Variants in PTP4A1 observed in about 807,000 individuals in gnomAD.
PTP4A1 encodes the protein protein tyrosine phosphatase 4A1.
Under a neutral mutation model 20.5 loss-of-function variants are expected in PTP4A1, and 9 were observed. The observed-to-expected ratio is 0.44, with a 90% confidence interval of 0.26 to 0.77. PTP4A1 has a LOEUF of 0.77. PTP4A1 is among the 30% of genes least tolerant of loss of function. The pLI is 0.19. For synonymous variants in PTP4A1, 78 were observed against 67.4 expected (o/e 1.16, Z -0.77); for missense variants, 137 against 218.8 (o/e 0.63, Z 2.36).
intron 2 of PTP4A1, among the ~76,000 whole-genome samples, chr6:63,544,628 T>C (rs1004843675): frequency 6.6e-6 from 1 of 152,172 alleles, no homozygotes; most frequent in Non-Finnish European, 1.5e-5. Flanking sequence ...GTGGATCAGT[T>C]ATTATTTATC....
chr6:63,571,323 C>G (rs1777416943), upstream of PTP4A1: 1 of 152,110 alleles, frequency 6.6e-6, no homozygotes, highest in Admixed American at 6.5e-5. Context: ...ATCTCATACT[C>G]GGTGAAAATA....
intron 2 of PTP4A1, among the ~76,000 whole-genome samples, chr6:63,538,892 T>C (rs1369074719): frequency 6.6e-6 from 1 of 152,098 alleles, no homozygotes; most frequent in Non-Finnish European, 1.5e-5. Flanking sequence ...TATTTATTTA[T>C]TTATTTATTT....
At chr6:63,517,335 G>T (rs1774764335), upstream of PTP4A1, among the ~76,000 whole-genome samples, 1 of 152,078 alleles carries the variant, frequency 6.6e-6, no homozygotes, top group Non-Finnish European at 1.5e-5. Context: ...AAGAAAAGAG[G>T]TCAAACAGAC....
intron 2 of PTP4A1, among the ~76,000 whole-genome samples, chr6:63,542,035 G>C (rs1039660905): frequency 6.6e-6 from 1 of 151,052 alleles, no homozygotes; most frequent in East Asian, 1.9e-4. Context: ...GTGTGTGTGT[G>C]TGTGTGTGTG....
upstream of PTP4A1, among the ~76,000 whole-genome samples, chr6:63,568,096 A>G (rs1777266811): frequency 6.6e-6 from 1 of 152,224 alleles, no homozygotes; most frequent in African/African-American, 2.4e-5. Flanking sequence ...CTCCTTATCA[A>G]CAATGAGGCT....
intron 2 of PTP4A1, among the ~76,000 whole-genome samples, chr6:63,544,688 A>G (rs1425206027): frequency 6.6e-6 from 1 of 152,116 alleles, no homozygotes; most frequent in African/African-American, 2.4e-5. Context: ...TTATACCAAG[A>G]ATGTTTCTCA....
At chr6:63,555,994 A>G (rs897276138) in intron 3 of PTP4A1, among the ~76,000 whole-genome samples, 6 of 151,864 alleles carry the variant, frequency 4.0e-5, no homozygotes, top group Non-Finnish European at 5.9e-5. Flanking sequence ...CCTGGCCTCA[A>G]TTAAACTTTA....
At chr6:63,530,496 C>T (rs1210279723) in intron 2 of PTP4A1, among the ~76,000 whole-genome samples, 1 of 152,146 alleles carries the variant, frequency 6.6e-6, no homozygotes, top group Non-Finnish European at 1.5e-5. Flanking sequence ...CTGCCTCATA[C>T]AGTCACACAG....
intron 3 of PTP4A1, among the ~76,000 whole-genome samples, chr6:63,552,924 C>A (rs571322093): frequency 6.6e-6 from 1 of 152,114 alleles, no homozygotes; most frequent in South Asian, 2.1e-4. Flanking sequence ...GGTACTGTAG[C>A]CTTGTAGTAT....
chr6:63,549,421 G>C, intron 2 of PTP4A1: 1 of 751,000 alleles, frequency 1.3e-6, no homozygotes, highest in Non-Finnish European at 2.4e-6. Context: ...CTCAAACAGG[G>C]GATTCACCAC....
upstream of PTP4A1, chr6:63,571,790 G>C (rs142336531): frequency 1.5e-3 from 229 of 152,254 alleles, no homozygotes; most frequent in African/African-American, 5.0e-3. Flanking sequence ...ATAGGGCTTC[G>C]TCTGCATCAA....
At chr6:63,555,563 T>TTGTAGTAGTTATGGAGGATTTTGTCTCA (rs370890807) in intron 3 of PTP4A1, among the ~76,000 whole-genome samples, 275 of 152,294 alleles carry the variant, frequency 1.8e-3, no homozygotes, top group African/African-American at 6.3e-3. Context: ...TCTGTGCCTA[T>TTGTAGTAGTTATGGAGGATTTTGTCTCA]TGTAGTAGTT....
chr6:63,521,271 G>T (rs72880865), upstream of PTP4A1, among the ~76,000 whole-genome samples: 1 of 151,952 alleles, frequency 6.6e-6, no homozygotes, highest in African/African-American at 2.4e-5. Flanking sequence ...AGAAAAAAAC[G>T]GCAAATAATT....
At chr6:63,517,398 T>C (rs1400916057), upstream of PTP4A1, among the ~76,000 whole-genome samples, 1 of 152,176 alleles carries the variant, frequency 6.6e-6, no homozygotes, top group East Asian at 1.9e-4. Context: ...ACACCAAGTG[T>C]TGCCTAATGT....
rs546569454 is a variant in PTP4A1 at position 63,548,734 on chromosome 6, G to A, written c.-639-1566G>A. 11 of 666,248 alleles carry A rather than the reference G, an allele frequency of 1.7e-5. No individual in the cohort carries two copies. The East Asian group carries it at 2.8e-4, about 17-fold the overall frequency. 41.3% of individuals were successfully genotyped at this position (666,248 alleles called of 1,614,324 possible). On this transcript the variant is annotated intron_variant, in intron 2 of 3. Transcript: ENST00000639568. ...TAACCCAGCTTAGTTGCAAGTTCTT[G>A]AGCCTTTGCCTTTTCGAGCTTGCCA...
At chr6:63,578,166 A>AG (rs1160843942) in intron 2 of PTP4A1, among the ~76,000 whole-genome samples, 2 of 152,204 alleles carry the variant, frequency 1.3e-5, no homozygotes, top group Non-Finnish European at 2.9e-5. Context: ...CAGTGTATGA[A>AG]GGGGGCACAC....
At chr6:63,542,072 C>CA (rs1320348793) in intron 2 of PTP4A1, among the ~76,000 whole-genome samples, 2 of 146,432 alleles carry the variant, frequency 1.4e-5, no homozygotes, top group Admixed American at 1.4e-4. Context: ...TATACATACA[C>CA]AATGGAATAC....
At chr6:63,563,949 G>C (rs1404667321) in intron 3 of PTP4A1, among the ~76,000 whole-genome samples, 2 of 152,180 alleles carry the variant, frequency 1.3e-5, no homozygotes, top group Non-Finnish European at 2.9e-5. Context: ...TTTACTATGT[G>C]CATTAATATG....
chr6:63,544,799 A>T (rs1776116893), intron 2 of PTP4A1, among the ~76,000 whole-genome samples: 1 of 152,188 alleles, frequency 6.6e-6, no homozygotes, highest in African/African-American at 2.4e-5. Flanking sequence ...GTATCCTATC[A>T]GGAAATGCTT....
Sources: gnomAD v4.1 joint callset for allele counts (sites outside exome capture counted in the v4.1 genomes callset) on GRCh38, gnomAD v4.1.1 for gene constraint, MANE v1.5 for transcripts, NCBI Gene and HGNC (gene_info 2026-07-23, HGNC 2026-07-21) for gene names.